Variants in PTGIS observed in about 807,000 individuals in gnomAD.
The protein encoded by PTGIS is prostacyclin synthase.
A neutral mutation model predicts 50.3 loss-of-function variants in PTGIS; 45 were observed. The observed-to-expected ratio is 0.90, with a 90% CI of 0.70 to 1.15. The LOEUF is 1.15. Ranked by LOEUF, PTGIS falls within the 50% of genes most tolerant of loss-of-function variation. The probability of loss-of-function intolerance (pLI) is 0.00; values close to 1 mark genes in which losing one functional copy is unlikely to be tolerated. For missense variants in PTGIS, 668 were observed against 661.3 expected (o/e 1.01, Z -0.11); for synonymous variants, 260 against 267.7 (o/e 0.97, Z 0.28).
At position 49,508,045 on chromosome 20, in the gene PTGIS, C is replaced by G; in HGVS notation, c.1378G>C (p.Val460Leu). Reference protein sequence around the residue: ...SIKQFVFLVLVHLDLELINAD... With the variant: ...SIKQFVFLVLLHLDLELINAD... ...TTGATCAGCTCCAAGTCCAAGTGCACCAGCACAAGGAACACAAATCTGCAG... is the reference window on the plus strand; with the variant it reads ...TTGATCAGCTCCAAGTCCAAGTGCAGCAGCACAAGGAACACAAATCTGCAG... The change falls in exon 10 of 10, where the codon GTG (valine) becomes CTG (leucine). Residue 460 changes from valine to leucine, a missense_variant. By Grantham distance (32) the Val-to-Leu change is conservative. Transcript: ENST00000244043. 1 of 1,613,856 alleles carries G rather than the reference C, an allele frequency of 6.2e-7. No individual in the cohort carries two copies. Among genetic ancestry groups the G allele is most frequent in the Non-Finnish European group, 8.5e-7 (1 of 1,180,030 alleles).
Position 49,548,155 on chromosome 20 carries a change from C to T in PTGIS, c.199-136G>A, listed in dbSNP as rs1280139342. On this transcript the variant is annotated intron_variant, in intron 2 of 9. Coordinates refer to ENST00000244043, the MANE Select transcript of PTGIS (RefSeq NM_000961.4). ...ACTATGTTCTCTTATCTATGCCTCA[C>T]TACCACCTACCACCCTGTGAGGTAG... The T allele has an allele frequency of 2.5e-5, 20 of 794,880 alleles. 1 individual carries two copies. The highest frequency in any genetic ancestry group is 1.5e-4 in the South Asian group (10 of 68,824). 49.2% of individuals were successfully genotyped at this position (794,880 alleles called of 1,614,324 possible).
chr20:49,523,973 G>A (rs1454796945), intron 6 of PTGIS, 85 bp downstream of exon 6: 1 of 1,517,066 alleles, frequency 6.6e-7, no homozygotes, highest in Non-Finnish European at 9.0e-7. Flanking sequence ...ACCTGCACAG[G>A]TGCACAGACA....
chr20:49,559,778 G>T (rs865784201), intron 1 of PTGIS, among the ~76,000 whole-genome samples: 20 of 152,234 alleles, frequency 1.3e-4, no homozygotes, highest in Middle Eastern at 3.4e-3. Flanking sequence ...GTACATTAGT[G>T]GTTGCCCAGG....
chr20:49,549,967 G>T (rs909626311), intron 2 of PTGIS, 99 bp downstream of exon 2: 3 of 1,585,226 alleles, frequency 1.9e-6, no homozygotes, highest in Non-Finnish European at 2.6e-6. Flanking sequence ...GTGGGGTGGG[G>T]GGGTTGGCAT....
At chr20:49,559,981 A>G (rs921980532) in intron 1 of PTGIS, among the ~76,000 whole-genome samples, 2 of 151,078 alleles carry the variant, frequency 1.3e-5, no homozygotes, top group East Asian at 1.9e-4. Context: ...CTGGAGTGCA[A>G]TGGCGCGATC....
At chr20:49,514,517 A>C in intron 6 of PTGIS, 122 bp from the exon 7 acceptor site, 1 of 1,187,830 alleles carries the variant, frequency 8.4e-7, no homozygotes, top group Non-Finnish European at 1.2e-6. Context: ...GCTGCCAAAC[A>C]CCCAGGCATG....
At chr20:49,523,191 G>C (rs1051171120) in intron 6 of PTGIS, among the ~76,000 whole-genome samples, 9 of 152,068 alleles carry the variant, frequency 5.9e-5, no homozygotes, top group South Asian at 2.1e-4. Context: ...CATGTATTTG[G>C]GCTCATTATC....
At chr20:49,520,402 C>T (rs903876581) in intron 6 of PTGIS, among the ~76,000 whole-genome samples, 6 of 150,328 alleles carry the variant, frequency 4.0e-5, no homozygotes, top group Admixed American at 2.6e-4. Context: ...GGTGCCATCT[C>T]GGCTCACTGC....
chr20:49,524,026 C>T, intron 6 of PTGIS, 32 bp downstream of exon 6: 1 of 1,613,414 alleles, frequency 6.2e-7, no homozygotes, highest in Non-Finnish European at 8.5e-7. Flanking sequence ...ACATGCACAC[C>T]TGCACACACC....
At chr20:49,566,591 A>C (rs993177594) in intron 1 of PTGIS, among the ~76,000 whole-genome samples, 3 of 152,238 alleles carry the variant, frequency 2.0e-5, no homozygotes, top group African/African-American at 7.2e-5. Context: ...ATTGTTTGAA[A>C]ATTCAACTAC....
At position 49,511,181 on chromosome 20, in the gene PTGIS, T is replaced by C. The variant is rs1299160138; in HGVS notation, c.1207-2A>G. On this transcript the variant is annotated splice_acceptor_variant, in intron 8 of 9. Transcript: ENST00000244043. LOFTEE classifies it high-confidence loss of function. ...CAGGAATCGGTTGTATTTAAATACCTGAAATAGGAAGAAGGTCCTTTTCTG... is the reference window on the plus strand; with the variant it reads ...CAGGAATCGGTTGTATTTAAATACCCGAAATAGGAAGAAGGTCCTTTTCTG... 3 of 1,614,128 alleles carry C rather than the reference T, an allele frequency of 1.9e-6. No individual in the cohort carries two copies. Among genetic ancestry groups the C allele is most frequent in the Middle Eastern group, 3.3e-4 (2 of 6,052 alleles).
chr20:49,522,621 C>T (rs1981679986), intron 6 of PTGIS, among the ~76,000 whole-genome samples: 1 of 152,136 alleles, frequency 6.6e-6, no homozygotes, highest in Non-Finnish European at 1.5e-5. Context: ...CACTACCATG[C>T]CCAGTGTCTC....
chr20:49,539,536 C>T, intron 5 of PTGIS, 34 bp downstream of exon 5: 5 of 1,602,840 alleles, frequency 3.1e-6, no homozygotes, highest in Non-Finnish European at 4.3e-6. Context: ...TTTCCATCCT[C>T]CCCCCCACCC....
intron 1 of PTGIS, among the ~76,000 whole-genome samples, chr20:49,558,243 G>C (rs560441618): frequency 3.3e-5 from 5 of 152,094 alleles, no homozygotes; most frequent in Non-Finnish European, 5.9e-5. Flanking sequence ...ACAAAAATTA[G>C]CCAGGTGTGG....
intron 1 of PTGIS, among the ~76,000 whole-genome samples, chr20:49,552,232 T>C (rs1982528236): frequency 6.6e-6 from 1 of 152,164 alleles, no homozygotes; most frequent in Non-Finnish European, 1.5e-5. Context: ...GTGGTTAAAA[T>C]ACTTAGAGAA....
At chr20:49,539,771 T>C (rs1454213963) in intron 4 of PTGIS, 50 bp from the exon 5 acceptor site, 1 of 1,582,230 alleles carries the variant, frequency 6.3e-7, no homozygotes, top group Non-Finnish European at 8.6e-7. Context: ...CACTCATGTG[T>C]GGCCACAGCT....
At chr20:49,549,141 A>G (rs1442556658) in intron 2 of PTGIS, among the ~76,000 whole-genome samples, 1 of 152,222 alleles carries the variant, frequency 6.6e-6, no homozygotes, top group African/African-American at 2.4e-5. Context: ...GTAGATAAAC[A>G]GAAAAATGAA....
intron 2 of PTGIS, 130 bp downstream of exon 2, chr20:49,549,936 C>G: frequency 6.8e-7 from 1 of 1,471,610 alleles, no homozygotes; most frequent in Non-Finnish European, 9.4e-7. Flanking sequence ...TTGGCTCGAC[C>G]ACTCAGATGG....
chr20:49,541,005 C>T (rs1982212171), intron 4 of PTGIS, among the ~76,000 whole-genome samples: 1 of 152,202 alleles, frequency 6.6e-6, no homozygotes, highest in Non-Finnish European at 1.5e-5. Context: ...GAGAGGCCTG[C>T]GTGGTCCCTG....
Sources: allele counts gnomAD v4.1 joint callset (sites outside exome capture counted in the v4.1 genomes callset), GRCh38; gene constraint gnomAD v4.1.1; transcripts MANE v1.5; gene names NCBI Gene and HGNC (gene_info 2026-07-23, HGNC 2026-07-21).